The following SLC10A2 variants were observed in gnomAD, a reference collection of about 807,000 sequenced individuals.
The protein encoded by SLC10A2 is ileal sodium/bile acid cotransporter.
In SLC10A2, 34 loss-of-function variants were observed where a neutral mutation model predicts 27.1. The observed-to-expected ratio is 1.26, with a 90% CI of 0.96 to 1.67. The LOEUF is 1.67. Ranked by LOEUF, SLC10A2 falls within the 40% of genes most tolerant of loss-of-function variation. SLC10A2 has a pLI of 0.00. For missense variants in SLC10A2, 530 were observed against 444.4 expected (o/e 1.19, Z -1.73); for synonymous variants, 205 against 174.0 (o/e 1.18, Z -1.40).
At chr13:103,064,940 T>C (rs192075703) in intron 1 of SLC10A2, among the ~76,000 whole-genome samples, 76 of 152,342 alleles carry the variant, frequency 5.0e-4, no homozygotes, top group African/African-American at 1.8e-3. Context: ...CTACACTTTG[T>C]GCTTCTCTCC....
chr13:103,046,420 A>G (rs1375964930), intron 5 of SLC10A2, among the ~76,000 whole-genome samples, 160 bp from the exon 6 acceptor site: 3 of 152,186 alleles, frequency 2.0e-5, no homozygotes, highest in African/African-American at 7.2e-5. Flanking sequence ...TTCTATGGCT[A>G]CTCATGGCGA....
At position 103,052,689 on chromosome 13, in the gene SLC10A2, G is replaced by T; in HGVS notation, c.516C>A (p.Leu172=). ...YDNIGTSLVS[L]VVPVSIGMFV... is the part of the protein sequence containing the mutation. ...ACATTCCAATGGAAACAGGAACAAC[G>T]AGAGAAACCAGAGATGTACCTAAAG... Residue 172 remains leucine (L), a synonymous_variant, in exon 3 of 6, where the codon CTC becomes CTA. Transcript: ENST00000245312. The T allele has an allele frequency of 6.2e-7, 1 of 1,607,014 alleles. No individual in the cohort carries two copies. The highest frequency in any genetic ancestry group is 8.5e-7 in the Non-Finnish European group (1 of 1,173,646).
At chr13:103,051,462 C>A (rs201770939) in intron 3 of SLC10A2, 30 bp from the exon 4 acceptor site, 26 of 1,611,424 alleles carry the variant, frequency 1.6e-5, no homozygotes, top group Non-Finnish European at 2.1e-5. Flanking sequence ...GTGAACCCAG[C>A]AATCATGAGT....
rs1181187107 is a variant in SLC10A2 at position 103,045,188 on chromosome 13, A to G, written c.*945T>C. 1 of 152,178 alleles carries G rather than the reference A, an allele frequency of 6.6e-6. No homozygotes were observed. The highest frequency in any genetic ancestry group is 2.4e-5 in the African/African-American group (1 of 41,428). 9.4% of individuals were successfully genotyped at this position (152,178 alleles called of 1,614,324 possible). ...CTCCCATTGAATTAATTCCTCCACT[A>G]GAGTCTTGGTGTTTCTCTCAATACT... is the stretch of plus-strand genomic sequence containing the variant. On this transcript the variant is annotated 3_prime_UTR_variant, in exon 6 of 6. Transcript: ENST00000245312.
chr13:103,046,358 C>A, intron 5 of SLC10A2, 98 bp from the exon 6 acceptor site: 1 of 1,043,302 alleles, frequency 9.6e-7, no homozygotes, highest in Non-Finnish European at 1.4e-6. Context: ...CATGGCAGAT[C>A]ACATTTTCTG....
rs8000956 is a variant in SLC10A2 at position 103,051,229 on chromosome 13, T to C, written c.761+28A>G. 0.53 allele frequency: 857,941 copies of C among 1,608,310 alleles called. 234,366 individuals are homozygous for C. The highest frequency in any genetic ancestry group is 0.59 in the South Asian group (53,226 of 90,978). On this transcript the variant is annotated intron_variant, in intron 4 of 5. Transcript: ENST00000245312. Reference sequence around the variant, plus strand: ...TACAACAGATATTACAGATTAAAATTCCCAATGTGATTTACTAAATGCCAT... The same window carrying C: ...TACAACAGATATTACAGATTAAAATCCCCAATGTGATTTACTAAATGCCAT...
In SLC10A2 at chr13:103,066,348, C is replaced by T. The variant is rs1876282623; in HGVS notation, c.-99G>A. ...AGTTAAGCAACGTTTACTTCTACCC[C>T]ATCAAACTTTTAAACCCCTCCTAAA... On this transcript the variant is annotated 5_prime_UTR_variant, in exon 1 of 6. It removes an upstream start codon present in the reference 5' UTR. Coordinates refer to ENST00000245312, the MANE Select transcript of SLC10A2 (RefSeq NM_000452.3). The T allele has an allele frequency of 7.2e-7, 1 of 1,386,732 alleles. No homozygotes were observed. Among genetic ancestry groups the T allele is most frequent in the African/African-American group, 1.4e-5 (1 of 69,552 alleles). The allele number at this position is 1,386,732 out of a possible 1,614,324, so 85.9% of individuals were successfully genotyped here.
chr13:103,057,231 A>G (rs1017682147), intron 2 of SLC10A2, among the ~76,000 whole-genome samples: 2 of 152,138 alleles, frequency 1.3e-5, no homozygotes, highest in Non-Finnish European at 2.9e-5. Context: ...TTTTGCCCAC[A>G]TCTTGTCTTT....
intron 5 of SLC10A2, among the ~76,000 whole-genome samples, chr13:103,048,406 A>G (rs1158378532): frequency 2.8e-5 from 4 of 142,934 alleles, no homozygotes; most frequent in African/African-American, 5.4e-5. Context: ...AAAAAGAAAA[A>G]AAAAGAAAAG....
At position 103,051,362 on chromosome 13, in the gene SLC10A2, G is replaced by A; in HGVS notation, c.656C>T (p.Ala219Val). Reference sequence around the variant, plus strand: ...CCACAGTTTGGGAGCAATGATCCAGGCGCTTTGGTACAATATTCCTCCAAC... The same window carrying A: ...CCACAGTTTGGGAGCAATGATCCAGACGCTTTGGTACAATATTCCTCCAAC... ...AVVGGILYQS[A>V]WIIAPKLWII... The change falls in exon 4 of 6, where the codon GCC (alanine) becomes GTC (valine). Residue 219 changes from alanine to valine, a missense_variant. Physicochemically the swap from Ala to Val is moderately conservative, Grantham distance 64. Transcript: ENST00000245312. 2 of 1,614,036 alleles carry A rather than the reference G, an allele frequency of 1.2e-6. No individual in the cohort carries two copies. Among genetic ancestry groups the A allele is most frequent in the Non-Finnish European group, 1.7e-6 (2 of 1,179,980 alleles).
chr13:103,053,934 A>G (rs1875863299), intron 2 of SLC10A2, among the ~76,000 whole-genome samples: 1 of 152,090 alleles, frequency 6.6e-6, no homozygotes, highest in Admixed American at 6.6e-5. Flanking sequence ...TGACACACGT[A>G]CTGCTGAGAT....
rs746979008 is a variant in SLC10A2 at position 103,058,278 on chromosome 13, G to C, written c.482C>G (p.Pro161Arg). The change falls in exon 2 of 6, where the codon CCC becomes CGC. Residue 161 changes from proline to arginine, a missense_variant. Physicochemically the swap from Pro to Arg is moderately radical, Grantham distance 103. Transcript: ENST00000245312. ...GGATGACTTACCTATGTTATCATAG[G>C]GAATTACGATGCTCCCAGAGTCGAC... is the stretch of plus-strand genomic sequence containing the variant. ...MWVDSGSIVIPYDNIGTSLVS... is the reference protein window; with the variant it reads ...MWVDSGSIVIRYDNIGTSLVS... The C allele has an allele frequency of 8.2e-6, 13 of 1,589,606 alleles. No homozygotes were observed. In the Middle Eastern group the frequency reaches 5.0e-4, roughly 61 times the overall value.
chr13:103,047,810 T>G (rs969776634), intron 5 of SLC10A2, among the ~76,000 whole-genome samples: 2 of 152,080 alleles, frequency 1.3e-5, no homozygotes, highest in African/African-American at 4.8e-5. Flanking sequence ...CATTACTTAA[T>G]TGTTCTATCA....
rs1875557007 is a variant in SLC10A2 at position 103,044,699 on chromosome 13, C to A, written c.*1434G>T. 1 of 152,146 alleles carries A rather than the reference C, an allele frequency of 6.6e-6. No homozygotes were observed. Among genetic ancestry groups the A allele is most frequent in the African/African-American group, 2.4e-5 (1 of 41,426 alleles). The allele number at this position is 152,146 out of a possible 1,614,324, so 9.4% of individuals were successfully genotyped here. The stretch of plus-strand genomic sequence containing the variant: ...ACTCAGAACATGCAAATGCAAAAAG[C>A]CCTTTCAGCCAAAACACTTGAAATA... On this transcript the variant is annotated 3_prime_UTR_variant, in exon 6 of 6. Coordinates refer to ENST00000245312, the MANE Select transcript of SLC10A2 (RefSeq NM_000452.3).
At chr13:103,065,293 T>C (rs766024726) in intron 1 of SLC10A2, among the ~76,000 whole-genome samples, 1 of 152,188 alleles carries the variant, frequency 6.6e-6, no homozygotes, top group Non-Finnish European at 1.5e-5. Context: ...GTAAGCATAA[T>C]TTTAAAAAAG....
chr13:103,065,816 C>T, intron 1 of SLC10A2, 57 bp downstream of exon 1: 1 of 1,591,316 alleles, frequency 6.3e-7, no homozygotes, highest in South Asian at 1.1e-5. Context: ...ATGCCATAGG[C>T]TTCTGGAAGG....
Position 103,045,490 on chromosome 13 carries a change from G to C in SLC10A2, c.*643C>G, listed in dbSNP as rs936324473. 3.3e-5 allele frequency: 5 copies of C among 152,712 alleles called. No individual in the cohort carries two copies. In the South Asian group the frequency reaches 6.2e-4, roughly 19 times the overall value. 9.5% of individuals were successfully genotyped at this position (152,712 alleles called of 1,614,324 possible). ...TGAGTTAAGAGCCTGCATCCAATAT[G>C]GTTATTGAATTCTATTTTGTAATAA... On this transcript the variant is annotated 3_prime_UTR_variant, in exon 6 of 6. Transcript: ENST00000245312.
Position 103,045,189 on chromosome 13 carries a change from G to A in SLC10A2, c.*944C>T, listed in dbSNP as rs1244934584. On this transcript the variant is annotated 3_prime_UTR_variant, in exon 6 of 6. Coordinates refer to ENST00000245312, the MANE Select transcript of SLC10A2 (RefSeq NM_000452.3). Reference sequence around the variant, plus strand: ...TCCCATTGAATTAATTCCTCCACTAGAGTCTTGGTGTTTCTCTCAATACTT... The same window carrying A: ...TCCCATTGAATTAATTCCTCCACTAAAGTCTTGGTGTTTCTCTCAATACTT... The A allele has an allele frequency of 6.6e-6, 1 of 152,100 alleles. No individual in the cohort carries two copies. Among genetic ancestry groups the A allele is most frequent in the Non-Finnish European group, 1.5e-5 (1 of 68,040 alleles). 9.4% of individuals were successfully genotyped at this position (152,100 alleles called of 1,614,324 possible). A position where few individuals can be genotyped will look rare whatever the true frequency, so the allele number is the denominator to read the frequency against.
rs1413860673 is a variant in SLC10A2 at position 103,061,378 on chromosome 13, A to G, written c.378-2996T>C. On this transcript the variant is annotated intron_variant, in intron 1 of 5. Coordinates refer to ENST00000245312, the MANE Select transcript of SLC10A2 (RefSeq NM_000452.3). ...TAAAAAATATATTAGAATGGATTTA[A>G]AGTTGTCCCTATAATAAAATCACTT... is the stretch of plus-strand genomic sequence containing the variant. Among the ~76,000 whole-genome samples the G allele has an allele frequency of 3.5e-5, 5 of 143,820 alleles. No individual in the cohort carries two copies. In the Admixed American group the frequency reaches 3.6e-4, roughly 10 times the overall value. 94.4% of individuals were successfully genotyped at this position (143,820 alleles called of 152,430 possible).
Sources: allele counts gnomAD v4.1 joint callset (sites outside exome capture counted in the v4.1 genomes callset), GRCh38; gene constraint gnomAD v4.1.1; transcripts MANE v1.5; gene names NCBI Gene and HGNC (gene_info 2026-07-23, HGNC 2026-07-21).